Variants in NAV2 observed in about 807,000 individuals in gnomAD.
The protein encoded by NAV2 is helicase, APC down-regulated 1.
A neutral mutation model predicts 223.2 loss-of-function variants in NAV2; 54 were observed. That is an observed-to-expected ratio of 0.24 (90% CI 0.19 to 0.30). The LOEUF is 0.30. Ranked by LOEUF, NAV2 falls within the 10% of genes least tolerant of loss-of-function variation. The pLI is 1.00. For synonymous variants in NAV2, 1,279 were observed against 1,239.3 expected, an observed-to-expected ratio of 1.03 and a Z score of -0.67; for missense variants, 2,806 against 3,147.5, an observed-to-expected ratio of 0.89 and a Z score of 2.60.
At chr11:19,480,010 C>T (rs2133991251) in intron 1 of NAV2, among the ~76,000 whole-genome samples, 2 of 152,270 alleles carry the variant, frequency 1.3e-5, no homozygotes, top group African/African-American at 4.8e-5. Flanking sequence ...CTTTCATATA[C>T]ATATTGTCTA....
chr11:19,588,172 C>T (rs1315634170), intron 1 of NAV2, among the ~76,000 whole-genome samples: 1 of 152,232 alleles, frequency 6.6e-6, no homozygotes, highest in Non-Finnish European at 1.5e-5. Flanking sequence ...CGGGCCAGTT[C>T]AAAGGTACAT....
intron 14 of NAV2, among the ~76,000 whole-genome samples, chr11:20,047,186 G>A (rs1445034946): frequency 6.6e-6 from 1 of 152,030 alleles, no homozygotes; most frequent in African/African-American, 2.4e-5. Context: ...TCACTCTTTG[G>A]TATTATAGAT....
In NAV2 at chr11:19,386,539, C is replaced by T. The variant is rs770112253; in HGVS notation, c.75+35512C>T. ...CACTCCAACAGATTCTCAGAGACAG[C>T]GGGAGACAGTGGGGAGCCTATATTA... On this transcript the variant is annotated intron_variant, in intron 1 of 37. Transcript: ENST00000360655. Among the ~76,000 whole-genome samples the T allele has an allele frequency of 4.6e-4, 70 of 152,232 alleles. 1 individual carries two copies. Among genetic ancestry groups the T allele is most frequent in the Middle Eastern group, 6.8e-3 (2 of 294 alleles).
In NAV2 at chr11:19,625,367, G is replaced by A. The variant is rs1034054168; in HGVS notation, c.76-207117G>A. ...ACTGTCCTCCAGTTCCATCCATGTT[G>A]CTATGAATGACAGAATTTCATTTCT... is the stretch of plus-strand genomic sequence containing the variant. On this transcript the variant is annotated intron_variant, in intron 1 of 37. Coordinates refer to the NAV2 transcript ENST00000360655. 2.0e-5 allele frequency among the ~76,000 whole-genome samples: 3 copies of A among 152,144 alleles called. 1 individual carries two copies. The highest frequency in any genetic ancestry group is 1.3e-4 in the Admixed American group (2 of 15,278).
At chr11:19,964,163 GGAGA>G (rs919296179) in intron 10 of NAV2, among the ~76,000 whole-genome samples, 10 of 152,082 alleles carry the variant, frequency 6.6e-5, no homozygotes, top group Non-Finnish European at 1.0e-4. Context: ...TGAGAGAGAG[GGAGA>G]GAGACAGAGA....
At chr11:19,815,746 T>C (rs111337892) in intron 1 of NAV2, among the ~76,000 whole-genome samples, 7,311 of 152,290 alleles carry the variant, frequency 0.048, 569 homozygotes, top group African/African-American at 0.17. Context: ...GGTATCTCAC[T>C]GGCTTCATCC....
chr11:19,877,472 T>TTTTTTTTTTTTTCTTTTTTCTTTTC (rs1313196964), intron 4 of NAV2, among the ~76,000 whole-genome samples: 21,388 of 115,374 alleles, frequency 0.19, 4,281 homozygotes, highest in African/African-American at 0.4. Flanking sequence ...TCTTCATTCT[T>TTTTTTTTTTTTTCTTTTTTCTTTTC]TTTTTTTTTT....
At chr11:19,551,706 T>C (rs11600957) in intron 1 of NAV2, among the ~76,000 whole-genome samples, 52,154 of 151,046 alleles carry the variant, frequency 0.35, 10,303 homozygotes, top group African/African-American at 0.54. Context: ...CACGTCCTGC[T>C]TCCTCTCATT....
chr11:19,856,180 T>G (rs780085950), intron 3 of NAV2, among the ~76,000 whole-genome samples: 2 of 152,210 alleles, frequency 1.3e-5, no homozygotes, highest in Non-Finnish European at 2.9e-5. Flanking sequence ...TCTTCACAGG[T>G]GCATTTGGTA....
At chr11:20,020,197 A>G (rs79188318) in intron 11 of NAV2, among the ~76,000 whole-genome samples, 2,953 of 152,294 alleles carry the variant, frequency 0.019, 106 homozygotes, top group African/African-American at 0.068. Flanking sequence ...CTAATTATGT[A>G]CTGTATTCCA....
chr11:19,508,481 G>A (rs2043186910), intron 1 of NAV2, among the ~76,000 whole-genome samples: 1 of 152,136 alleles, frequency 6.6e-6, no homozygotes, highest in East Asian at 1.9e-4. Context: ...CTTTGCATAT[G>A]TTTCTACTCC....
At chr11:19,501,183 T>C (rs1341754001) in intron 1 of NAV2, among the ~76,000 whole-genome samples, 2 of 152,224 alleles carry the variant, frequency 1.3e-5, no homozygotes, top group African/African-American at 2.4e-5. Flanking sequence ...TCCACTTTTA[T>C]GGATTCGCAT....
At chr11:19,695,777 G>C (rs1226373257) in intron 1 of NAV2, among the ~76,000 whole-genome samples, 5 of 152,036 alleles carry the variant, frequency 3.3e-5, no homozygotes, top group African/African-American at 1.2e-4. Flanking sequence ...GGTGGTGTGT[G>C]CCTATAATCC....
chr11:20,021,747 G>A (rs547267366), intron 11 of NAV2, among the ~76,000 whole-genome samples: 33 of 152,196 alleles, frequency 2.2e-4, no homozygotes, highest in African/African-American at 7.0e-4. Flanking sequence ...TCAAGTGGAC[G>A]AGGGCCCTGA....
Position 19,939,758 on chromosome 11 carries a change from C to G in NAV2, c.2131C>G (p.Leu711Val), listed in dbSNP as rs2046243729. ...SHFTKTGQPALEELTGEDPEA... is the reference protein window; with the variant it reads ...SHFTKTGQPAVEELTGEDPEA... ...CTTCACCAAGACTGGACAGCCTGCT[C>G]TGGAAGAACTCACTGGTGAGTATGG... Residue 711 changes from leucine (L) to valine (V), a missense_variant, in exon 8 of 38, where the codon CTG becomes GTG. By Grantham distance (32) the Leu-to-Val change is conservative (BLOSUM62 1). This residue lies in a region of NAV2 where 1,167 missense variants were observed against 1,180.5 expected (regional missense o/e 0.99). Transcript: ENST00000349880. 1 of 1,613,778 alleles carries G rather than the reference C, an allele frequency of 6.2e-7. No homozygotes were observed. The highest frequency in any genetic ancestry group is 1.7e-5 in the Admixed American group (1 of 59,988).
At chr11:19,481,033 A>G (rs180866904) in intron 1 of NAV2, among the ~76,000 whole-genome samples, 86 of 152,308 alleles carry the variant, frequency 5.6e-4, no homozygotes, top group Admixed American at 4.3e-3. Flanking sequence ...AAGGATCCGT[A>G]GCACCTGCAG....
Position 19,939,745 on chromosome 11 carries a change from T to G in NAV2, c.2118T>G (p.Thr706=), listed in dbSNP as rs2046242737. 1 of 1,613,974 alleles carries G rather than the reference T, an allele frequency of 6.2e-7. No homozygotes were observed. Among genetic ancestry groups the G allele is most frequent in the African/African-American group, 1.3e-5 (1 of 74,912 alleles). Residue 706 remains threonine (T), a synonymous_variant, in exon 8 of 38, where the codon ACT becomes ACG. Transcript: ENST00000349880. The part of the protein sequence containing the change: ...VSVEPSHFTK[T]GQPALEELTG... ...TGGAGCCCAGCCACTTCACCAAGAC[T>G]GGACAGCCTGCTCTGGAAGAACTCA...
At chr11:19,843,758 T>TAA (rs34850023) in intron 3 of NAV2, among the ~76,000 whole-genome samples, 8 of 135,276 alleles carry the variant, frequency 5.9e-5, no homozygotes, top group Non-Finnish European at 4.8e-5. Context: ...TCCAGAAATC[T>TAA]AAAAAAAAAA....
chr11:19,408,870 G>A (rs1013073526), intron 1 of NAV2, among the ~76,000 whole-genome samples: 6 of 152,004 alleles, frequency 3.9e-5, no homozygotes, highest in Non-Finnish European at 8.8e-5. Context: ...TCCTGCCCCC[G>A]AGAACTCGGG....
Sources: allele counts gnomAD v4.1 joint callset (sites outside exome capture counted in the v4.1 genomes callset), GRCh38; gene constraint gnomAD v4.1.1; regional missense constraint gnomAD v4.1.1; transcripts MANE v1.5; gene names NCBI Gene and HGNC (gene_info 2026-07-23, HGNC 2026-07-21).